Variants in ATAD2B observed in about 807,000 individuals in gnomAD.
ATAD2B encodes the protein ATPase family AAA domain containing 2B, also known as ATPase family AAA domain-containing protein 2B.
In ATAD2B, 40 loss-of-function variants were observed where a neutral mutation model predicts 167.6. The ratio of observed to expected loss-of-function variants is 0.24; its 90% CI spans 0.19 to 0.31. The LOEUF (loss-of-function observed/expected upper bound fraction) is 0.31. Among genes scored for constraint, ATAD2B ranks in the 10% least tolerant of loss-of-function variants. The probability of loss-of-function intolerance (pLI) is 1.00; values close to 1 mark genes in which losing one functional copy is unlikely to be tolerated. For synonymous variants in ATAD2B, 579 were observed against 596.5 expected (o/e 0.97, Z 0.43); for missense variants, 1,242 against 1,757.2 (o/e 0.71, Z 5.24).
chr2:23,851,971 T>C (rs996963648), intron 13 of ATAD2B, among the ~76,000 whole-genome samples: 5 of 149,998 alleles, frequency 3.3e-5, no homozygotes, highest in Non-Finnish European at 5.9e-5. Flanking sequence ...ATGAAAAGAA[T>C]ACTACCGCAG....
chr2:23,926,574 A>T lies in ATAD2B; in HGVS notation c.197T>A (p.Val66Asp). 1 of 1,554,208 alleles carries T rather than the reference A, an allele frequency of 6.4e-7. No individual in the cohort carries two copies. The change falls in exon 1 of 28, where the codon GTC becomes GAC. Residue 66 changes from valine to aspartate, a missense_variant. Coordinates refer to ENST00000238789, the MANE Select transcript of ATAD2B (RefSeq NM_017552.4). ...AKAGGSGGAG[V>D]TLDEARKVEV... ...TCTTACCCTGGCCTCATCCAGAGTG[A>T]CGCCGGCGCCACCGCTTCCCCCGGC...
the ATAD2B span, among the ~76,000 whole-genome samples, chr2:23,715,652 C>T: frequency 1.3e-5 from 2 of 152,088 alleles, no homozygotes; most frequent in Non-Finnish European, 2.9e-5. Flanking sequence ...TAATAGACAG[C>T]TAAAGTTGCA....
At chr2:23,919,419 T>C (rs1703566962) in intron 1 of ATAD2B, among the ~76,000 whole-genome samples, 1 of 152,006 alleles carries the variant, frequency 6.6e-6, no homozygotes, top group Admixed American at 6.6e-5. Context: ...TGGTGGCTTG[T>C]GCCTGTAGTC....
At position 23,788,536 on chromosome 2, in the gene ATAD2B, C is replaced by T. The variant is rs769452005; in HGVS notation, c.2752G>A (p.Ala918Thr). ...CCAGCATGTTTCCTTCGTGGTGGAG[C>T]CATTGATGCCTGATTGAGAATCAAT... ...QELILNQASMAPPRRKHAALC... is the reference protein window; with the variant it reads ...QELILNQASMTPPRRKHAALC... Residue 918 changes from alanine to threonine, a missense_variant, in exon 20 of 28, where the codon GCT becomes ACT. By Grantham distance (58) the Ala-to-Thr change is moderately conservative (BLOSUM62 0). This residue lies in a region of ATAD2B where 204 missense variants were observed against 324.0 expected (regional missense o/e 0.63). Coordinates refer to ENST00000238789, the MANE Select transcript of ATAD2B (RefSeq NM_017552.4). 1.2e-6 allele frequency: 2 copies of T among 1,613,100 alleles called. No homozygotes were observed. Among genetic ancestry groups the T allele is most frequent in the Non-Finnish European group, 1.7e-6 (2 of 1,179,282 alleles).
At chr2:23,683,869 G>A in the ATAD2B span, among the ~76,000 whole-genome samples, 1 of 152,158 alleles carries the variant, frequency 6.6e-6, no homozygotes, top group African/African-American at 2.4e-5. Context: ...CTTTCTCGGG[G>A]TCTCCTCCCA....
intron 13 of ATAD2B, among the ~76,000 whole-genome samples, chr2:23,847,625 C>A (rs1573016416): frequency 6.6e-6 from 1 of 151,776 alleles, no homozygotes; most frequent in South Asian, 2.1e-4. Context: ...TGCACTACAG[C>A]CTTGGTGAAG....
the ATAD2B span, among the ~76,000 whole-genome samples, chr2:23,701,511 G>A: frequency 4.6e-5 from 7 of 152,098 alleles, no homozygotes; most frequent in South Asian, 2.1e-4. Context: ...TCAGGAGTTC[G>A]AGACCAGCCT....
At chr2:23,886,690 G>A (rs1282436768) in intron 4 of ATAD2B, among the ~76,000 whole-genome samples, 3 of 152,178 alleles carry the variant, frequency 2.0e-5, no homozygotes, top group Non-Finnish European at 4.4e-5. Context: ...CTAGCACTTT[G>A]GGAGGCAGAG....
intron 6 of ATAD2B, among the ~76,000 whole-genome samples, chr2:23,882,215 T>G (rs1313342254): frequency 6.6e-6 from 1 of 151,670 alleles, no homozygotes; most frequent in Non-Finnish European, 1.5e-5. Context: ...TTATTTTTAT[T>G]TTTTTTGAAA....
the ATAD2B span, among the ~76,000 whole-genome samples, chr2:23,682,680 A>ACACCCTCCCG: frequency 1.2e-4 from 17 of 147,306 alleles, no homozygotes; most frequent in African/African-American, 4.3e-4. This position sits in a 1 kb window ranked among gnomAD's most constrained non-coding sequence, Gnocchi z 4.1. Context: ...GCACCCTCCC[A>ACACCCTCCCG]CACCCTCCCG....
At chr2:23,681,766 C>G in the ATAD2B span, among the ~76,000 whole-genome samples, 1 of 152,264 alleles carries the variant, frequency 6.6e-6, no homozygotes, top group South Asian at 2.1e-4. The surrounding 1 kb of genome is among the most constrained non-coding windows in gnomAD (Gnocchi z 4.2). Context: ...GAATTCTGTC[C>G]CCTCCCCTAC....
At chr2:23,808,752 T>C (rs1685056577) in intron 18 of ATAD2B, among the ~76,000 whole-genome samples, 1 of 152,184 alleles carries the variant, frequency 6.6e-6, no homozygotes, top group Non-Finnish European at 1.5e-5. Context: ...TGAATTAATC[T>C]TGCATGCTTT....
intron 13 of ATAD2B, among the ~76,000 whole-genome samples, chr2:23,857,204 T>A (rs1394005782): frequency 6.6e-6 from 1 of 152,242 alleles, no homozygotes. Context: ...TATTCCAATA[T>A]AACTTCATTT....
At chr2:23,831,737 T>C (rs1322548631) in intron 14 of ATAD2B, among the ~76,000 whole-genome samples, 4 of 152,228 alleles carry the variant, frequency 2.6e-5, no homozygotes, top group African/African-American at 9.6e-5. Flanking sequence ...CCAGCTCCTA[T>C]CTAAAGTCAT....
rs1316874945 is a variant in ATAD2B, at chr2:23,836,631, G to C, written c.1569-2553C>G. Among the ~76,000 whole-genome samples the C allele has an allele frequency of 2.0e-5, 3 of 152,154 alleles. No individual in the cohort carries two copies. The South Asian group carries it at 6.2e-4, about 32-fold the overall frequency. ...ACAGAATAGCTCAGAGGAGATCCTG[G>C]AGTGGGCAGCTCCTCTCTACAGGCA... On this transcript the variant is annotated intron_variant, in intron 13 of 27. Coordinates refer to ENST00000238789, the MANE Select transcript of ATAD2B (RefSeq NM_017552.4).
At chr2:23,818,120 C>CAT in intron 17 of ATAD2B, among the ~76,000 whole-genome samples, 1 of 73,544 alleles carries the variant, frequency 1.4e-5, no homozygotes, top group East Asian at 4.2e-4. Flanking sequence ...CACACACACA[C>CAT]ATTACACACA....
chr2:23,925,537 C>G (rs1045643483), intron 1 of ATAD2B, among the ~76,000 whole-genome samples: 2 of 152,136 alleles, frequency 1.3e-5, no homozygotes, highest in Non-Finnish European at 2.9e-5. Flanking sequence ...CTTTTTCCAG[C>G]CAAATTACTT....
chr2:23,849,012 C>CT (rs1692133197), intron 13 of ATAD2B, among the ~76,000 whole-genome samples: 1 of 147,630 alleles, frequency 6.8e-6, no homozygotes, highest in African/African-American at 2.5e-5. Flanking sequence ...AATTGAGACT[C>CT]TAAAAAAAAA....
chr2:23,808,068 A>AATATATAAGTAATATATATAATTAT (rs1684831368), intron 18 of ATAD2B, among the ~76,000 whole-genome samples: 10 of 60,952 alleles, frequency 1.6e-4, no homozygotes, highest in Admixed American at 4.0e-4. Context: ...TATAAATTAT[A>AATATATAAGTAATATATATAATTAT]ATATATAAGT....
Sources: gnomAD v4.1 joint callset for allele counts (sites outside exome capture counted in the v4.1 genomes callset) on GRCh38, gnomAD v4.1.1 for gene constraint, gnomAD v4.1.1 regional missense constraint, Gnocchi (gnomAD v3.1) non-coding constraint, MANE v1.5 for transcripts, NCBI Gene and HGNC (gene_info 2026-07-23, HGNC 2026-07-21) for gene names.